Variants in SLC39A12 observed in about 807,000 individuals in gnomAD.
SLC39A12 encodes the protein zinc transporter ZIP12.
SLC39A12 carries 63 observed loss-of-function variants against 71.1 expected under a neutral mutation model. That is an observed-to-expected ratio of 0.89 (90% CI 0.72 to 1.09). The LOEUF is 1.09. Among genes scored for constraint, SLC39A12 ranks in the 50% least tolerant of loss-of-function variants. The probability of loss-of-function intolerance (pLI) is 0.00; values close to 1 mark genes in which losing one functional copy is unlikely to be tolerated. For synonymous variants in SLC39A12, 351 were observed against 301.3 expected (o/e 1.16, Z -1.71); for missense variants, 892 against 812.6 (o/e 1.10, Z -1.19).
chr10:17,991,999 G>C (rs1589235461), intron 8 of SLC39A12, among the ~76,000 whole-genome samples: 1 of 142,586 alleles, frequency 7.0e-6, no homozygotes, highest in East Asian at 2.2e-4. Context: ...TGAGGCAGGA[G>C]AATTGCTTGA....
intron 5 of SLC39A12, among the ~76,000 whole-genome samples, chr10:17,980,389 G>T (rs893752868): frequency 6.6e-6 from 1 of 152,000 alleles, no homozygotes; most frequent in Admixed American, 6.6e-5. Context: ...GCAAACCACT[G>T]ATTTTTAAAA....
chr10:18,028,770 A>G (rs575608804), intron 12 of SLC39A12, among the ~76,000 whole-genome samples: 4 of 151,968 alleles, frequency 2.6e-5, no homozygotes, highest in Non-Finnish European at 4.4e-5. Flanking sequence ...CCTAGGCTGG[A>G]GTGCAGTGGT....
At chr10:18,038,831 C>T (rs987034233) in intron 12 of SLC39A12, among the ~76,000 whole-genome samples, 5 of 152,140 alleles carry the variant, frequency 3.3e-5, no homozygotes, top group Admixed American at 6.5e-5. Context: ...GTCTACTTCT[C>T]CTCAGCCAAA....
intron 12 of SLC39A12, among the ~76,000 whole-genome samples, chr10:18,026,785 T>C (rs1361528275): frequency 2.6e-5 from 4 of 152,176 alleles, no homozygotes; most frequent in Admixed American, 6.5e-5. Flanking sequence ...ATTCTCTCTT[T>C]AGCCATGTCT....
chr10:17,987,194 G>T (rs541740329), intron 6 of SLC39A12, among the ~76,000 whole-genome samples: 1 of 152,114 alleles, frequency 6.6e-6, no homozygotes, highest in African/African-American at 2.4e-5. Flanking sequence ...AATGAGTCAG[G>T]CATGATGGTG....
intron 7 of SLC39A12, among the ~76,000 whole-genome samples, chr10:17,989,994 T>G (rs1276878820): frequency 6.6e-6 from 1 of 152,136 alleles, no homozygotes; most frequent in Non-Finnish European, 1.5e-5. Context: ...GCTAGAAGAA[T>G]CAGTGATCTG....
intron 12 of SLC39A12, among the ~76,000 whole-genome samples, chr10:18,020,957 G>T (rs1224010028): frequency 6.6e-6 from 1 of 152,128 alleles, no homozygotes; most frequent in African/African-American, 2.4e-5. Flanking sequence ...TTGCTGTGCA[G>T]AAGCTCTTTA....
chr10:18,024,128 C>T (rs760807734), intron 12 of SLC39A12, among the ~76,000 whole-genome samples: 4 of 152,120 alleles, frequency 2.6e-5, no homozygotes, highest in Non-Finnish European at 5.9e-5. Context: ...GTGGCTGTGT[C>T]GGGGTCCCAG....
chr10:18,032,814 A>G (rs1209106714), intron 12 of SLC39A12, among the ~76,000 whole-genome samples: 4 of 150,260 alleles, frequency 2.7e-5, no homozygotes, highest in Non-Finnish European at 4.4e-5. Context: ...ATTATTTTGA[A>G]ATACGTCCCA....
At chr10:17,967,405 T>C (rs1834853615) in intron 4 of SLC39A12, among the ~76,000 whole-genome samples, 1 of 152,202 alleles carries the variant, frequency 6.6e-6, no homozygotes, top group Admixed American at 6.5e-5. Flanking sequence ...ATGGTGATCT[T>C]CTAACACTCA....
intron 1 of SLC39A12, among the ~76,000 whole-genome samples, chr10:17,952,508 G>A (rs1288737819): frequency 8.9e-5 from 11 of 123,672 alleles, no homozygotes; most frequent in Non-Finnish European, 4.9e-5. Context: ...TTTTTTTTGA[G>A]ATGGAGTCTT....
At position 18,042,930 on chromosome 10, in the gene SLC39A12, A is replaced by G. The variant is rs1837300609; in HGVS notation, c.*97A>G. On this transcript the variant is annotated 3_prime_UTR_variant, in exon 13 of 13. Transcript: ENST00000377369. ...ATGATTTTTAAATTAAGAATTTTTT[A>G]TCTTAGGCAAAGTGTGTCTCTTTCA... 14 of 1,032,686 alleles carry G rather than the reference A, an allele frequency of 1.4e-5. No individual in the cohort carries two copies. In the East Asian group the frequency reaches 4.0e-4, roughly 29 times the overall value. The allele number at this position is 1,032,686 out of a possible 1,614,324, so 64.0% of individuals were successfully genotyped here. A position where few individuals can be genotyped will look rare whatever the true frequency, so the allele number is the denominator to read the frequency against.
Position 18,003,276 on chromosome 10 carries a change from C to G in SLC39A12, c.1865C>G (p.Ser622Cys). ...TAFMGLYIGLSVSADPCVQDW... is the reference protein window; with the variant it reads ...TAFMGLYIGLCVSADPCVQDW... The stretch of plus-strand genomic sequence containing the variant: ...TTCATGGGATTATACATTGGCCTTT[C>G]CGTGTCAGCTGATCCATGTGTTCAA... The change falls in exon 12 of 13, where the codon TCC becomes TGC. Residue 622 changes from serine to cysteine, a missense_variant. Physicochemically the swap from Ser to Cys is moderately radical, Grantham distance 112. Coordinates refer to ENST00000377369, the MANE Select transcript of SLC39A12 (RefSeq NM_001145195.2). 6.2e-7 allele frequency: 1 copy of G among 1,614,098 alleles called. No homozygotes were observed. The highest frequency in any genetic ancestry group is 8.5e-7 in the Non-Finnish European group (1 of 1,180,014).
chr10:17,978,229 T>G (rs4595442), intron 5 of SLC39A12, among the ~76,000 whole-genome samples, 155 bp downstream of exon 5: 3,394 of 152,292 alleles, frequency 0.022, 117 homozygotes, highest in African/African-American at 0.074. Flanking sequence ...ACGGTTTTCT[T>G]TTTCTACAAG....
chr10:17,980,722 G>A (rs150546946), intron 5 of SLC39A12, among the ~76,000 whole-genome samples: 4 of 152,274 alleles, frequency 2.6e-5, no homozygotes, highest in African/African-American at 9.6e-5. Flanking sequence ...GTTTTCAACT[G>A]TGTGTGTGTC....
At chr10:18,012,292 A>C (rs2488107) in intron 12 of SLC39A12, among the ~76,000 whole-genome samples, 121,403 of 152,130 alleles carry the variant, frequency 0.8, 49,018 homozygotes, top group African/African-American at 0.92. Flanking sequence ...TATCTGAATT[A>C]AACCCTCAGA....
At chr10:18,006,049 C>T (rs2497764) in intron 12 of SLC39A12, among the ~76,000 whole-genome samples, 12,417 of 152,112 alleles carry the variant, frequency 0.082, 662 homozygotes, top group East Asian at 0.12. Flanking sequence ...TGCAAAGACT[C>T]TGAAACAGTA....
intron 12 of SLC39A12, among the ~76,000 whole-genome samples, chr10:18,020,515 C>T (rs928838846): frequency 1.3e-4 from 19 of 151,904 alleles, no homozygotes; most frequent in African/African-American, 4.1e-4. Context: ...TGAATGGTAA[C>T]TCTATTTTAA....
chr10:17,956,806 C>A (rs1407297926), intron 2 of SLC39A12, among the ~76,000 whole-genome samples: 1 of 152,218 alleles, frequency 6.6e-6, no homozygotes, highest in Non-Finnish European at 1.5e-5. Context: ...GTGGAAAACA[C>A]CCAGCTTTGT....
Sources: gnomAD v4.1 joint callset for allele counts (sites outside exome capture counted in the v4.1 genomes callset) on GRCh38, gnomAD v4.1.1 for gene constraint, MANE v1.5 for transcripts, NCBI Gene and HGNC (gene_info 2026-07-23, HGNC 2026-07-21) for gene names.